NRIP1: variants seen among roughly 807,000 people sequenced by gnomAD.
NRIP1 encodes the protein nuclear receptor-interacting protein 1.
Under a neutral mutation model 75.0 loss-of-function variants are expected in NRIP1, and 28 were observed. That is an observed-to-expected ratio of 0.37 (90% CI 0.28 to 0.51). The LOEUF is 0.51. NRIP1 is among the 20% of genes least tolerant of loss of function. The probability of loss-of-function intolerance (pLI) is 0.92; values close to 1 mark genes in which losing one functional copy is unlikely to be tolerated. For synonymous variants in NRIP1, 526 were observed against 487.6 expected, an observed-to-expected ratio of 1.08 and a Z score of -1.04; for missense variants, 1,435 against 1,343.7, an observed-to-expected ratio of 1.07 and a Z score of -1.06.
chr21:14,986,170 T>G (rs2087396994), intron 3 of NRIP1, among the ~76,000 whole-genome samples: 1 of 152,224 alleles, frequency 6.6e-6, no homozygotes, highest in Admixed American at 6.5e-5. Flanking sequence ...GGAATGATCT[T>G]TTTAATTTGA....
At chr21:15,000,300 C>A (rs893797302) in intron 3 of NRIP1, among the ~76,000 whole-genome samples, 3 of 152,150 alleles carry the variant, frequency 2.0e-5, no homozygotes, top group Admixed American at 1.3e-4. Flanking sequence ...AGGAATGTAT[C>A]GGGGTGGGTG....
intron 3 of NRIP1, among the ~76,000 whole-genome samples, chr21:14,976,357 G>T (rs1292982637): frequency 6.6e-6 from 1 of 152,096 alleles, no homozygotes; most frequent in African/African-American, 2.4e-5. Flanking sequence ...TTTGGGGAAA[G>T]ATCTAAGTTT....
At position 14,979,702 on chromosome 21, in the gene NRIP1, G is replaced by A. The variant is rs140810467; in HGVS notation, c.-334-11176C>T. ...CAGTATGTTTGTTTTTTTTAATAGC[G>A]ACGGGGTTTTACCTTCTTGGCCAGG... On this transcript the variant is annotated intron_variant, in intron 3 of 3. Transcript: ENST00000318948. 7.8e-3 allele frequency among the ~76,000 whole-genome samples: 1,186 copies of A among 151,910 alleles called. 10 individuals are homozygous for A. Among genetic ancestry groups the A allele is most frequent in the African/African-American group, 0.027 (1,122 of 41,424 alleles).
At chr21:14,993,937 T>C (rs1019801570) in intron 3 of NRIP1, among the ~76,000 whole-genome samples, 1 of 152,258 alleles carries the variant, frequency 6.6e-6, no homozygotes. Context: ...ATAATACTCA[T>C]ACCAAGTATC....
In NRIP1 at chr21:14,979,751, T is replaced by C. The variant is rs576161218; in HGVS notation, c.-334-11225A>G. Among the ~76,000 whole-genome samples, 9 of 152,254 alleles carry C rather than the reference T, an allele frequency of 5.9e-5. No homozygotes were observed. The South Asian group carries it at 1.9e-3, about 32-fold the overall frequency. On this transcript the variant is annotated intron_variant, in intron 3 of 3. Transcript: ENST00000318948. The stretch of plus-strand genomic sequence containing the variant: ...GGCTTGTCTTGAACTCCTGACCTCG[T>C]GATCCACCTGCCTTGGCCTCCCAAA...
At chr21:15,065,473 G>A (rs2147459391), upstream of NRIP1, among the ~76,000 whole-genome samples, 1 of 152,258 alleles carries the variant, frequency 6.6e-6, no homozygotes, top group South Asian at 2.1e-4. Context: ...GGGGGCCGGG[G>A]CGCCCCAGAC....
intron 1 of NRIP1, among the ~76,000 whole-genome samples, chr21:15,063,354 C>T (rs565025448): frequency 6.6e-6 from 1 of 152,122 alleles, no homozygotes; most frequent in South Asian, 2.1e-4. Flanking sequence ...AGGCGGCAAC[C>T]GACACTTAGG....
intron 3 of NRIP1, among the ~76,000 whole-genome samples, chr21:14,985,199 CA>C (rs1463912958): frequency 1.3e-4 from 20 of 152,196 alleles, no homozygotes; most frequent in Admixed American, 4.6e-4. Context: ...CCTAGTAGAA[CA>C]TGCTGTAAAC....
At chr21:15,040,160 C>T (rs776439969) in intron 2 of NRIP1, among the ~76,000 whole-genome samples, 1 of 151,964 alleles carries the variant, frequency 6.6e-6, no homozygotes, top group Non-Finnish European at 1.5e-5. Context: ...GAGAGCTGTG[C>T]GTCAAAACAC....
intron 1 of NRIP1, among the ~76,000 whole-genome samples, chr21:15,058,906 T>C (rs958071545): frequency 1.3e-5 from 2 of 152,254 alleles, no homozygotes; most frequent in Non-Finnish European, 2.9e-5. Flanking sequence ...TACCCTCACA[T>C]AGCTAGATAA....
chr21:15,015,358 T>C (rs1416346848), intron 2 of NRIP1, among the ~76,000 whole-genome samples: 1 of 152,164 alleles, frequency 6.6e-6, no homozygotes, highest in African/African-American at 2.4e-5. Context: ...ACTTGTCAGA[T>C]TGTTCCTTAA....
chr21:15,044,987 G>T (rs1767860043), intron 1 of NRIP1, among the ~76,000 whole-genome samples: 1 of 152,140 alleles, frequency 6.6e-6, no homozygotes, highest in South Asian at 2.1e-4. Flanking sequence ...ATATAAAAGA[G>T]AAGACGGTAG....
chr21:14,977,104 A>G (rs1600820639), intron 3 of NRIP1, among the ~76,000 whole-genome samples: 1 of 152,224 alleles, frequency 6.6e-6, no homozygotes, highest in Non-Finnish European at 1.5e-5. Context: ...TCATTCAAGA[A>G]TAACTCCTAA....
intron 1 of NRIP1, among the ~76,000 whole-genome samples, chr21:15,049,090 A>G (rs1488979193): frequency 1.3e-5 from 2 of 152,214 alleles, no homozygotes; most frequent in African/African-American, 4.8e-5. Context: ...GAACAATTCT[A>G]TACCCTAATA....
intron 3 of NRIP1, among the ~76,000 whole-genome samples, chr21:14,970,816 TCTA>T (rs1313974502): frequency 6.6e-6 from 1 of 152,256 alleles, no homozygotes; most frequent in African/African-American, 2.4e-5. Flanking sequence ...GTTATTGCTT[TCTA>T]CTTTTTACTG....
chr21:14,968,104 G>A lies in NRIP1; in HGVS notation c.89C>T (p.Ala30Val). The change falls in exon 4 of 4, where the codon GCA (alanine) becomes GTA (valine). Residue 30 changes from alanine (A) to valine (V), a missense_variant. Transcript: ENST00000318948. ...YLEGLLMHQA[A>V]GGSGTAVDKK... ...GTCAACGGCAGTACCTGATCCCCCT[G>A]CTGCCTGATGCATTAGTAATCCTTC... 1 of 1,614,042 alleles carries A rather than the reference G, an allele frequency of 6.2e-7. No homozygotes were observed. Among genetic ancestry groups the A allele is most frequent in the Non-Finnish European group, 8.5e-7 (1 of 1,179,960 alleles).
intron 2 of NRIP1, among the ~76,000 whole-genome samples, chr21:15,019,407 C>G (rs1435696210): frequency 7.4e-6 from 1 of 134,732 alleles, no homozygotes; most frequent in Non-Finnish European, 1.6e-5. Context: ...ACAAGAAACC[C>G]AAAATAATTA....
intron 3 of NRIP1, among the ~76,000 whole-genome samples, chr21:15,003,753 G>A (rs2087901461): frequency 6.6e-6 from 1 of 151,910 alleles, no homozygotes; most frequent in Admixed American, 6.5e-5. Flanking sequence ...ATTATCCCCT[G>A]TCAAAAGAAA....
intron 1 of NRIP1, chr21:15,052,323 G>A (rs2205237): frequency 0.065 from 9,822 of 152,178 alleles, 439 homozygotes; most frequent in Middle Eastern, 0.12. Flanking sequence ...TTTTCACCCC[G>A]AAGTATTATC....
Sources: allele counts gnomAD v4.1 joint callset (sites outside exome capture counted in the v4.1 genomes callset), GRCh38; gene constraint gnomAD v4.1.1; transcripts MANE v1.5; gene names NCBI Gene and HGNC (gene_info 2026-07-23, HGNC 2026-07-21).